Variants in RMDN3 observed in about 807,000 individuals in gnomAD.
RMDN3 encodes the protein regulator of microtubule dynamics protein 3.
In RMDN3, 41 loss-of-function variants were observed where a neutral mutation model predicts 61.8. The ratio of observed to expected loss-of-function variants is 0.66; its 90% CI spans 0.52 to 0.86. RMDN3 has a LOEUF of 0.86. Ranked by LOEUF, RMDN3 falls within the 40% of genes least tolerant of loss-of-function variation. The pLI is 0.00. For missense variants in RMDN3, 557 were observed against 585.3 expected (o/e 0.95, Z 0.50); for synonymous variants, 247 against 232.0 (o/e 1.06, Z -0.59).
chr15:40,735,904 T>C lies in RMDN3; in HGVS notation c.*637A>G, dbSNP rs1435846599. ...AGAGCTGATAACATCAAATTTGGTT[T>C]ATTTCAAGTTTGTAACAAAATATAT... On this transcript the variant is annotated 3_prime_UTR_variant, in exon 13 of 13. Transcript: ENST00000338376. 6.6e-6 allele frequency: 1 copy of C among 152,232 alleles called. No homozygotes were observed. The highest frequency in any genetic ancestry group is 2.4e-5 in the African/African-American group (1 of 41,462). The allele number at this position is 152,232 out of a possible 1,614,324, so 9.4% of individuals were successfully genotyped here.
intron 9 of RMDN3, 33 bp downstream of exon 9, chr15:40,737,932 G>A (rs1453996978): frequency 6.2e-7 from 1 of 1,608,640 alleles, no homozygotes; most frequent in Middle Eastern, 1.7e-4. Flanking sequence ...AGGCATTTAG[G>A]ACCATTATGT....
At chr15:40,745,691 C>A (rs1316793355) in intron 4 of RMDN3, among the ~76,000 whole-genome samples, 1 of 152,014 alleles carries the variant, frequency 6.6e-6, no homozygotes, top group Non-Finnish European at 1.5e-5. Flanking sequence ...GAGAAAGTTT[C>A]CTATGGGAAC....
chr15:40,744,263 A>G, intron 5 of RMDN3, 114 bp from the exon 6 acceptor site: 1 of 898,142 alleles, frequency 1.1e-6, no homozygotes, highest in South Asian at 1.4e-5. Context: ...TGTTACAGTC[A>G]TCAATATCAG....
chr15:40,742,380 C>A (rs60578270), intron 6 of RMDN3, among the ~76,000 whole-genome samples: 5,459 of 152,150 alleles, frequency 0.036, 319 homozygotes, highest in African/African-American at 0.13. Flanking sequence ...GACCACATGG[C>A]CCCACCAATG....
chr15:40,754,825 C>G, intron 1 of RMDN3, 35 bp from the exon 2 acceptor site: 3 of 503,332 alleles, frequency 6.0e-6, no homozygotes, highest in Non-Finnish European at 9.1e-6. Flanking sequence ...AGCAGGCAGG[C>G]GGGCGGGCGG....
rs1897397715 is a variant in RMDN3, at chr15:40,744,155, G to A, written c.808-6C>T. On this transcript the variant is annotated splice_polypyrimidine_tract_variant and splice_region_variant and intron_variant, in intron 5 of 12. Transcript: ENST00000338376. ...AAGTCCTGCCGGCTTCCATACTGCA[G>A]ACCAGACAGAAACGGGTGAGGCCCC... The A allele has an allele frequency of 1.2e-6, 2 of 1,612,818 alleles. No homozygotes were observed. Among genetic ancestry groups the A allele is most frequent in the Non-Finnish European group, 8.5e-7 (1 of 1,179,948 alleles).
chr15:40,738,099 G>A, intron 8 of RMDN3, 57 bp from the exon 9 acceptor site: 2 of 1,569,548 alleles, frequency 1.3e-6, no homozygotes, highest in Non-Finnish European at 1.8e-6. Context: ...CTAAAAGAGA[G>A]GCAAGGGCCG....
chr15:40,751,373 T>C, intron 4 of RMDN3, 53 bp downstream of exon 4: 1 of 1,590,740 alleles, frequency 6.3e-7, no homozygotes, highest in Non-Finnish European at 8.6e-7. Flanking sequence ...ATAATACTTT[T>C]ACAAAACACA....
At position 40,740,014 on chromosome 15, in the gene RMDN3, G is replaced by A. The variant is rs150900986; in HGVS notation, c.971+119C>T. 2.1e-4 allele frequency: 154 copies of A among 716,286 alleles called. No individual in the cohort carries two copies. The African/African-American group carries it at 2.4e-3, about 11-fold the overall frequency. 44.4% of individuals were successfully genotyped at this position (716,286 alleles called of 1,614,324 possible). A position where few individuals can be genotyped will look rare whatever the true frequency, so the allele number is the denominator to read the frequency against. On this transcript the variant is annotated intron_variant, in intron 7 of 12. Transcript: ENST00000338376. ...CTGAGGCATGTGGAGATACAAGCCA[G>A]AACTCCCTCTCCTGGATCCTTTGGA...
intron 4 of RMDN3, among the ~76,000 whole-genome samples, chr15:40,748,598 T>G (rs1352363672): frequency 6.6e-6 from 1 of 152,160 alleles, no homozygotes; most frequent in Non-Finnish European, 1.5e-5. Context: ...CCCCAGAAGT[T>G]TGTACTTCTT....
rs867578589 is a variant in RMDN3 at position 40,737,695 on chromosome 15, G to T, written c.1157C>A (p.Thr386Asn). ...AGGGCTTTCAAGCAAGGCTGTAGCA[G>T]TTTTTTTTTCTAGCCAGCTCAGGTG... ...VSHLSWLEKK[T>N]ATALLESPLS... The change falls in exon 10 of 13, where the codon ACT becomes AAT. Residue 386 changes from threonine (T) to asparagine (N), a missense_variant. Physicochemically the swap from Thr to Asn is moderately conservative, Grantham distance 65. Coordinates refer to ENST00000338376, the MANE Select transcript of RMDN3 (RefSeq NM_018145.3). 7.5e-6 allele frequency: 12 copies of T among 1,596,420 alleles called. No individual in the cohort carries two copies. In the Middle Eastern group the frequency reaches 7.1e-4, roughly 94 times the overall value.
chr15:40,739,450 CAA>C (rs759226402), intron 7 of RMDN3: 2 of 152,304 alleles, frequency 1.3e-5, no homozygotes, highest in African/African-American at 2.4e-5. Context: ...CTTGCAGAGA[CAA>C]AAGTTTCAGC....
chr15:40,742,247 ATCC>A (rs1245278212), intron 6 of RMDN3, among the ~76,000 whole-genome samples: 1 of 150,788 alleles, frequency 6.6e-6, no homozygotes, highest in Non-Finnish European at 1.5e-5. Flanking sequence ...GGCTCAAGCA[ATCC>A]TCCTGCCTTG....
intron 4 of RMDN3, among the ~76,000 whole-genome samples, chr15:40,750,386 AT>A (rs1897770775): frequency 6.6e-6 from 1 of 151,036 alleles, no homozygotes; most frequent in Non-Finnish European, 1.5e-5. Context: ...CACCTGGCTA[AT>A]TTTTGTATTT....
chr15:40,748,929 A>T (rs1269232925), intron 4 of RMDN3, among the ~76,000 whole-genome samples: 1 of 146,068 alleles, frequency 6.8e-6, no homozygotes. Context: ...TTTGAGACAG[A>T]GTACTGCTCT....
At chr15:40,738,260 T>C (rs1897141821) in intron 8 of RMDN3, among the ~76,000 whole-genome samples, 1 of 152,096 alleles carries the variant, frequency 6.6e-6, no homozygotes, top group Non-Finnish European at 1.5e-5. Flanking sequence ...TGGTGGTACA[T>C]GCCTGTAATC....
In RMDN3 at chr15:40,751,521, C is replaced by G. The variant is rs7171451; in HGVS notation, c.429G>C (p.Pro143=). ...NQRVARRRRF[P]FVRERSDSTG... is the part of the protein sequence containing the mutation. ...TGGAGTCACTCCTCTCCCGGACAAACGGAAACCTTCGCCGCCGAGCCACTC... is the reference window on the plus strand; with the variant it reads ...TGGAGTCACTCCTCTCCCGGACAAAGGGAAACCTTCGCCGCCGAGCCACTC... Residue 143 remains proline (P), a synonymous_variant, in exon 4 of 13, where the codon CCG becomes CCC. Coordinates refer to ENST00000338376, the MANE Select transcript of RMDN3 (RefSeq NM_018145.3). 2.1e-5 allele frequency: 34 copies of G among 1,614,010 alleles called. No individual in the cohort carries two copies. In the Middle Eastern group the frequency reaches 4.3e-3, roughly 203 times the overall value.
At position 40,737,355 on chromosome 15, in the gene RMDN3, C is replaced by CAAAG. The variant is rs778257020; in HGVS notation, c.1225-18_1225-15dup. The CAAAG allele has an allele frequency of 1.9e-6, 3 of 1,611,770 alleles. No individual in the cohort carries two copies. Among genetic ancestry groups the CAAAG allele is most frequent in the Non-Finnish European group, 2.5e-6 (3 of 1,177,994 alleles). On this transcript the variant is annotated splice_polypyrimidine_tract_variant and intron_variant, in intron 10 of 12. Transcript: ENST00000338376. The stretch of plus-strand genomic sequence containing the variant: ...TAGTTCTTCAGCCTGGGAAAAGGGA[C>CAAAG]AAAGATATTTCAGTAAGAGGTTCCT...
chr15:40,745,589 C>A (rs112497439), intron 4 of RMDN3, among the ~76,000 whole-genome samples: 1 of 151,814 alleles, frequency 6.6e-6, no homozygotes, highest in Non-Finnish European at 1.5e-5. Context: ...TGGTCTCAAA[C>A]CCCTGGCCTC....
Sources: allele counts gnomAD v4.1 joint callset (sites outside exome capture counted in the v4.1 genomes callset), GRCh38; gene constraint gnomAD v4.1.1; transcripts MANE v1.5; gene names NCBI Gene and HGNC (gene_info 2026-07-23, HGNC 2026-07-21).